DENND11: variants seen among roughly 807,000 people sequenced by gnomAD.
The protein encoded by DENND11 is DENN domain containing 11, also known as DENN domain-containing protein 11.
Under a neutral mutation model 49.2 loss-of-function variants are expected in DENND11, and 34 were observed. That is an observed-to-expected ratio of 0.69 (90% CI 0.53 to 0.92). The LOEUF is 0.92. Ranked by LOEUF, DENND11 falls within the 40% of genes least tolerant of loss-of-function variation. The pLI is 0.00. For synonymous variants in DENND11, 238 were observed against 230.3 expected, an observed-to-expected ratio of 1.03 and a Z score of -0.30; for missense variants, 475 against 581.6, an observed-to-expected ratio of 0.82 and a Z score of 1.88.
intron 1 of DENND11, 113 bp downstream of exon 1, chr7:141,701,773 G>A (rs890578435): frequency 3.0e-5 from 27 of 898,084 alleles, no homozygotes; most frequent in African/African-American, 1.4e-4. Flanking sequence ...GCCCTGGTGC[G>A]GGGTGCGGGG....
chr7:141,679,883 T>C (rs935633145), intron 3 of DENND11, among the ~76,000 whole-genome samples: 4 of 152,210 alleles, frequency 2.6e-5, no homozygotes, highest in Non-Finnish European at 4.4e-5. Context: ...TACTGTTCTT[T>C]TATCCATCAG....
At chr7:141,696,622 A>C (rs1798418829) in intron 1 of DENND11, among the ~76,000 whole-genome samples, 1 of 152,054 alleles carries the variant, frequency 6.6e-6, no homozygotes, top group African/African-American at 2.4e-5. Flanking sequence ...TACTCTTTCC[A>C]CGGTTCTCTT....
intron 1 of DENND11, among the ~76,000 whole-genome samples, chr7:141,693,772 T>C (rs1292428948): frequency 1.3e-5 from 2 of 152,162 alleles, no homozygotes; most frequent in African/African-American, 4.8e-5. Flanking sequence ...ATTTCAACTA[T>C]GTGACATTCT....
chr7:141,678,119 G>A (rs965290723), intron 3 of DENND11, among the ~76,000 whole-genome samples: 4 of 151,912 alleles, frequency 2.6e-5, no homozygotes, highest in Non-Finnish European at 5.9e-5. Flanking sequence ...ACACTGCCAC[G>A]CCCAGCTAAG....
In DENND11 at chr7:141,666,378, T is replaced by G; in HGVS notation, c.729A>C (p.Gly243=). 1.2e-6 allele frequency: 2 copies of G among 1,612,650 alleles called. No individual in the cohort carries two copies. Among genetic ancestry groups the G allele is most frequent in the Non-Finnish European group, 1.7e-6 (2 of 1,179,026 alleles). The change falls in exon 5 of 9, where the codon GGA becomes GGC. Residue 243 remains glycine (G), a synonymous_variant. Coordinates refer to ENST00000536163, the MANE Select transcript of DENND11 (RefSeq NM_001080392.2). The stretch of plus-strand genomic sequence containing the variant: ...ATTTCCAGAGGATGAGGATCTGTTC[T>G]CCAAAGAACTTTATAAACTGAGACA... ...GCMSQFIKFF[G]EQILILWKFA... is the part of the protein sequence containing the mutation.
chr7:141,685,028 AAATATATAT>A (rs1284933964), intron 3 of DENND11, among the ~76,000 whole-genome samples: 3 of 100,894 alleles, frequency 3.0e-5, no homozygotes, highest in African/African-American at 1.0e-4. Flanking sequence ...AAAAAAAAAA[AAATATATAT>A]ATATATATAT....
chr7:141,701,796 G>T, intron 1 of DENND11, 90 bp downstream of exon 1: 1 of 1,044,204 alleles, frequency 9.6e-7, no homozygotes, highest in Admixed American at 5.1e-5. Flanking sequence ...GGGAGGGCAG[G>T]TGCGCGCGCA....
chr7:141,671,853 T>C (rs1428407403), intron 4 of DENND11, among the ~76,000 whole-genome samples: 1 of 152,216 alleles, frequency 6.6e-6, no homozygotes, highest in Admixed American at 6.5e-5. Flanking sequence ...GATTTCTTAA[T>C]GATTGTCTCT....
At position 141,676,442 on chromosome 7, in the gene DENND11, C is replaced by A. The variant is rs985346379; in HGVS notation, c.528-2222G>T. On this transcript the variant is annotated intron_variant, in intron 3 of 8. Coordinates refer to ENST00000536163, the MANE Select transcript of DENND11 (RefSeq NM_001080392.2). ...GACTACATTAAACTCTATACTTGAA[C>A]CACGATTCTAAAGAAAAGTTCAGTA... Among the ~76,000 whole-genome samples the A allele has an allele frequency of 3.2e-4, 48 of 152,254 alleles. 1 individual carries two copies. Among genetic ancestry groups the A allele is most frequent in the Admixed American group, 2.8e-3 (43 of 15,300 alleles).
At chr7:141,686,448 G>A in intron 2 of DENND11, 111 bp downstream of exon 2, 1 of 662,304 alleles carries the variant, frequency 1.5e-6, no homozygotes, top group South Asian at 1.8e-5. Context: ...GTATTTTCAA[G>A]GCATTTACAC....
rs1372384440 is a variant in DENND11 at position 141,659,123 on chromosome 7, C to T, written c.*3533G>A. 5 of 152,318 alleles carry T rather than the reference C, an allele frequency of 3.3e-5. No individual in the cohort carries two copies. 9.4% of individuals were successfully genotyped at this position (152,318 alleles called of 1,614,324 possible). The stretch of plus-strand genomic sequence containing the variant: ...AACAAAACAAGGTAAGTTATAGATG[C>T]AAGTTCCTAAGCTAAATTACTTCTA... On this transcript the variant is annotated 3_prime_UTR_variant, in exon 9 of 9. Transcript: ENST00000536163.
intron 5 of DENND11, 102 bp from the exon 6 acceptor site, chr7:141,665,420 T>G (rs1562995085): frequency 6.8e-7 from 1 of 1,481,206 alleles, no homozygotes; most frequent in African/African-American, 1.4e-5. Flanking sequence ...TATCTGGTGC[T>G]TCAGGATCCA....
At chr7:141,674,330 C>G in intron 3 of DENND11, 110 bp from the exon 4 acceptor site, 1 of 1,413,758 alleles carries the variant, frequency 7.1e-7, no homozygotes, top group Non-Finnish European at 9.2e-7. Context: ...CTGTAACACT[C>G]AGGGGCAAAG....
At chr7:141,694,081 T>C (rs756421159) in intron 1 of DENND11, among the ~76,000 whole-genome samples, 1 of 152,140 alleles carries the variant, frequency 6.6e-6, no homozygotes, top group Non-Finnish European at 1.5e-5. Context: ...GGGGAGGTAG[T>C]ATATGGGAAC....
At chr7:141,686,315 G>A (rs996708098) in intron 2 of DENND11, among the ~76,000 whole-genome samples, 6 of 152,310 alleles carry the variant, frequency 3.9e-5, no homozygotes, top group Non-Finnish European at 7.3e-5. Context: ...TGTAATTTCT[G>A]AGAAAGTGAG....
chr7:141,674,257 ACAGT>A, intron 3 of DENND11, 37 bp from the exon 4 acceptor site: 2 of 1,511,096 alleles, frequency 1.3e-6, no homozygotes, highest in East Asian at 4.9e-5. Context: ...ACACACACAC[ACAGT>A]GAGAACAGCC....
chr7:141,685,694 A>G, intron 2 of DENND11, 58 bp from the exon 3 acceptor site: 4 of 1,568,276 alleles, frequency 2.6e-6, no homozygotes, highest in Non-Finnish European at 3.5e-6. Flanking sequence ...TTGAGATGCA[A>G]TCCTAAACAA....
intron 2 of DENND11, among the ~76,000 whole-genome samples, 189 bp from the exon 3 acceptor site, chr7:141,685,825 T>C (rs531066099): frequency 1.8e-4 from 27 of 152,196 alleles, no homozygotes; most frequent in Non-Finnish European, 3.7e-4. Context: ...CAAGGGTCAC[T>C]TGGCTGGAGC....
chr7:141,682,256 G>T (rs1587222082), intron 3 of DENND11, among the ~76,000 whole-genome samples: 1 of 152,172 alleles, frequency 6.6e-6, no homozygotes, highest in East Asian at 1.9e-4. Flanking sequence ...TGGGGTGGGA[G>T]GAATGGCCTC....
Sources: gnomAD v4.1 joint callset for allele counts (sites outside exome capture counted in the v4.1 genomes callset) on GRCh38, gnomAD v4.1.1 for gene constraint, MANE v1.5 for transcripts, NCBI Gene and HGNC (gene_info 2026-07-23, HGNC 2026-07-21) for gene names.